HNRNPH1: variants seen among roughly 807,000 people sequenced by gnomAD.
HNRNPH1 encodes the protein heterogeneous nuclear ribonucleoprotein H.
A neutral mutation model predicts 58.6 loss-of-function variants in HNRNPH1; 4 were observed. The ratio of observed to expected loss-of-function variants is 0.07; its 90% CI spans 0.03 to 0.16. The LOEUF is 0.16. Ranked by LOEUF, HNRNPH1 falls within the 10% of genes least tolerant of loss-of-function variation. HNRNPH1 has a pLI of 1.00. For missense variants in HNRNPH1, 271 were observed against 564.2 expected (o/e 0.48, Z 5.26); for synonymous variants, 192 against 189.2 (o/e 1.01, Z -0.12).
chr5:179,629,984 A>G (rs886947331), intron 2 of HNRNPH1, among the ~76,000 whole-genome samples: 2 of 152,104 alleles, frequency 1.3e-5, no homozygotes, highest in African/African-American at 4.8e-5. Flanking sequence ...AGATCACGCC[A>G]CTACACTCGA....
At chr5:179,627,100 T>TA (rs1218875220), upstream of HNRNPH1, among the ~76,000 whole-genome samples, 2 of 152,170 alleles carry the variant, frequency 1.3e-5, no homozygotes, top group Non-Finnish European at 2.9e-5. Context: ...GTATACTTCT[T>TA]ACAGTTTACA....
chr5:179,622,453 G>A (rs1472191313), intron 1 of HNRNPH1, among the ~76,000 whole-genome samples: 2 of 152,206 alleles, frequency 1.3e-5, no homozygotes, highest in Non-Finnish European at 2.9e-5. Context: ...GCTCACGCCT[G>A]TAATCCCAGC....
At chr5:179,629,084 TCAG>T (rs1774616973), upstream of HNRNPH1, 1 of 148,120 alleles carries the variant, frequency 6.8e-6, no homozygotes, top group Admixed American at 6.7e-5. Flanking sequence ...GATCACAAGG[TCAG>T]CAGATCGAGA....
At chr5:179,631,919 A>G (rs1774858405) in intron 2 of HNRNPH1, among the ~76,000 whole-genome samples, 1 of 147,962 alleles carries the variant, frequency 6.8e-6, no homozygotes, top group South Asian at 2.1e-4. Context: ...CCCTCTCTCA[A>G]AACAAACAAA....
chr5:179,625,238 G>T (rs1048839339), upstream of HNRNPH1, among the ~76,000 whole-genome samples: 2 of 152,172 alleles, frequency 1.3e-5, no homozygotes, highest in African/African-American at 2.4e-5. Flanking sequence ...GCTCACTCGT[G>T]TAATACCAGC....
chr5:179,615,789 T>A, intron 11 of HNRNPH1, 194 bp from the exon 13 acceptor site: 2 of 513,292 alleles, frequency 3.9e-6, no homozygotes, highest in Non-Finnish European at 7.0e-6. Flanking sequence ...GACAAAAAAG[T>A]GAACAACTTT....
At chr5:179,616,847 T>TA (rs1183255481) in intron 10 of HNRNPH1, 22 bp downstream of exon 11, 9 of 1,603,834 alleles carry the variant, frequency 5.6e-6, no homozygotes, top group East Asian at 2.2e-5. Flanking sequence ...TTTTGGTTTT[T>TA]AAAAAAACTA....
exon 1 of HNRNPH1, chr5:179,624,202 G>C (rs1439312274): frequency 1.7e-5 from 5 of 294,468 alleles, no homozygotes; most frequent in Admixed American, 5.2e-5. Flanking sequence ...AAGCTGGTCA[G>C]CTGCAGATTG....
chr5:179,631,745 A>C (rs1274007678), intron 2 of HNRNPH1, among the ~76,000 whole-genome samples: 4 of 151,586 alleles, frequency 2.6e-5, no homozygotes, highest in African/African-American at 9.7e-5. Flanking sequence ...AAGACCTCAA[A>C]AAAAAAAATT....
exon 1 of HNRNPH1, chr5:179,623,146 G>T: frequency 6.3e-7 from 1 of 1,591,404 alleles, no homozygotes; most frequent in Non-Finnish European, 8.6e-7. Context: ...TCTCTTACGC[G>T]GTCCGGCGTC....
upstream of HNRNPH1, among the ~76,000 whole-genome samples, chr5:179,628,984 G>C (rs536864687): frequency 2.7e-5 from 4 of 149,562 alleles, no homozygotes; most frequent in Non-Finnish European, 5.9e-5. Flanking sequence ...GTGCCTCAAA[G>C]AAAAGAAAAT....
At chr5:179,617,236 A>G in intron 8 of HNRNPH1, 126 bp from the exon 10 acceptor site, 2 of 945,754 alleles carry the variant, frequency 2.1e-6, no homozygotes, top group South Asian at 1.6e-5. Flanking sequence ...AATTCTAGCT[A>G]CTTCTCTTAG....
chr5:179,627,277 G>C (rs777116502), upstream of HNRNPH1, among the ~76,000 whole-genome samples: 4 of 151,818 alleles, frequency 2.6e-5, no homozygotes, highest in Non-Finnish European at 4.4e-5. Flanking sequence ...CTGCAGCCTT[G>C]AACTCCTGGG....
exon 13 of HNRNPH1, chr5:179,614,702 A>AT (rs1768604967): frequency 5.2e-6 from 3 of 581,680 alleles, no homozygotes; most frequent in East Asian, 5.8e-5. Flanking sequence ...TTAAGTCTTC[A>AT]TAACAATCCT....
intron 3 of HNRNPH1, chr5:179,619,945 AGTAGTTATGATTCACTT>A (rs1271517491): frequency 6.6e-6 from 1 of 152,232 alleles, no homozygotes. Context: ...ATGCTCTAAC[AGTAGTTATGATTCACTT>A]CTGGAAATTC....
At chr5:179,620,021 G>A (rs1771557215) in intron 3 of HNRNPH1, 1 of 152,082 alleles carries the variant, frequency 6.6e-6, no homozygotes. Flanking sequence ...CTTACAAAAA[G>A]GACTTAAAGC....
Position 179,618,045 on chromosome 5 carries a change from T to C in HNRNPH1, c.731A>G (p.Asp244Gly), listed in dbSNP as rs1770622744. 3.7e-6 allele frequency: 6 copies of C among 1,614,122 alleles called. No homozygotes were observed. The highest frequency in any genetic ancestry group is 5.1e-6 in the Non-Finnish European group (6 of 1,179,946). The change falls in exon 6 of 13, where the codon GAT becomes GGT. Residue 244 changes from aspartate (D) to glycine (G), a missense_variant. Transcript: ENST00000356731. ...GCCATCATTATAGCCATTGTAATCA[T>C]CATAGCCTCCATAGCCTGAAAGACA...
chr5:179,628,576 C>G (rs1290799733), upstream of HNRNPH1, among the ~76,000 whole-genome samples: 1 of 152,076 alleles, frequency 6.6e-6, no homozygotes, highest in Non-Finnish European at 1.5e-5. Context: ...GGTGATCCAC[C>G]CACCTCAGCC....
intron 2 of HNRNPH1, among the ~76,000 whole-genome samples, chr5:179,633,183 G>A (rs1030617328): frequency 2.6e-5 from 4 of 151,398 alleles, no homozygotes; most frequent in African/African-American, 4.9e-5. Flanking sequence ...GTAGAGATGG[G>A]GTTTCACCAT....
Sources: allele counts gnomAD v4.1 joint callset (sites outside exome capture counted in the v4.1 genomes callset), GRCh38; gene constraint gnomAD v4.1.1; transcripts MANE v1.5; gene names NCBI Gene and HGNC (gene_info 2026-07-23, HGNC 2026-07-21).